RAC3: variants seen among roughly 807,000 people sequenced by gnomAD.
RAC3 encodes the protein ras-related C3 botulinum toxin substrate 3.
A neutral mutation model predicts 19.0 loss-of-function variants in RAC3; 9 were observed. The observed-to-expected ratio is 0.47, with a 90% CI of 0.29 to 0.83. The LOEUF (loss-of-function observed/expected upper bound fraction) is 0.83. Among genes scored for constraint, RAC3 ranks in the 40% least tolerant of loss-of-function variants. The probability of loss-of-function intolerance (pLI) is 0.09; values close to 1 mark genes in which losing one functional copy is unlikely to be tolerated. For synonymous variants in RAC3, 146 were observed against 111.8 expected (o/e 1.31, Z -1.93); for missense variants, 203 against 260.8 (o/e 0.78, Z 1.53).
rs959521196 is a variant in RAC3 at position 82,033,065 on chromosome 17, G to A, written c.288+56G>A. On this transcript the variant is annotated intron_variant, in intron 4 of 5. Coordinates refer to ENST00000306897, the MANE Select transcript of RAC3 (RefSeq NM_005052.3). The surrounding 1 kb of genome is among the most constrained non-coding windows in gnomAD (Gnocchi z 6.2). The stretch of plus-strand genomic sequence containing the variant: ...GAGGGCTTGCCCCAGTACCTGCCCC[G>A]ACAAGTTGTCCTTTAGAGGCAATTG... 111 of 1,541,148 alleles carry A rather than the reference G, an allele frequency of 7.2e-5. No individual in the cohort carries two copies. The African/African-American group carries it at 1.1e-3, about 16-fold the overall frequency.
chr17:82,031,826 TGGGCTGGGCGGGAGGG>T, intron 1 of RAC3, 30 bp downstream of exon 1: 1 of 188,794 alleles, frequency 5.3e-6, no homozygotes, highest in Non-Finnish European at 8.6e-6. Context: ...GCCGCTTGGC[TGGGCTGGGCGGGAGGG>T]GGGCTCGGGG....
rs1598459786 is a variant in RAC3, at chr17:82,034,095, C to T, written c.*266C>T. ...GGCTGCAGGGGCAGGTGCAGGGAAG[C>T]CCCAGGATGGGCTTCCCTGGAGGGG... On this transcript the variant is annotated 3_prime_UTR_variant, in exon 6 of 6. Transcript: ENST00000306897. 4.1e-6 allele frequency: 1 copy of T among 244,716 alleles called. No homozygotes were observed. The highest frequency in any genetic ancestry group is 5.6e-5 in the Admixed American group (1 of 17,916). 15.2% of individuals were successfully genotyped at this position (244,716 alleles called of 1,614,324 possible). A position where few individuals can be genotyped will look rare whatever the true frequency, so the allele number is the denominator to read the frequency against.
intron 2 of RAC3, 34 bp from the exon 3 acceptor site, chr17:82,032,676 TC>T (rs760162057): frequency 6.3e-7 from 1 of 1,592,694 alleles, no homozygotes; most frequent in Admixed American, 1.7e-5. Flanking sequence ...CTGGGACCCC[TC>T]CCAAGCCCTG....
In RAC3 at chr17:82,032,986, T is replaced by C; in HGVS notation, c.265T>C (p.Ser89Pro). The C allele has an allele frequency of 6.2e-7, 1 of 1,613,602 alleles. No individual in the cohort carries two copies. The highest frequency in any genetic ancestry group is 8.5e-7 in the Non-Finnish European group (1 of 1,179,966). ...CTGCTTCTCTCTGGTGAGCCCGGCC[T>C]CCTTCGAGAATGTTCGTGCCAAGGT... The part of the protein sequence containing the change: ...LICFSLVSPA[S>P]FENVRAKWYP... The change falls in exon 4 of 6, where the codon TCC (serine) becomes CCC (proline). Residue 89 changes from serine (S) to proline (P), a missense_variant. Coordinates refer to ENST00000306897, the MANE Select transcript of RAC3 (RefSeq NM_005052.3).
At position 82,033,517 on chromosome 17, in the gene RAC3, C is replaced by G; in HGVS notation, c.366C>G (p.Asp122Glu). 1 of 1,612,958 alleles carries G rather than the reference C, an allele frequency of 6.2e-7. No individual in the cohort carries two copies. The highest frequency in any genetic ancestry group is 8.5e-7 in the Non-Finnish European group (1 of 1,179,836). Reference protein sequence around the residue: ...LVGTKLDLRDDKDTIERLRDK... With the variant: ...LVGTKLDLRDEKDTIERLRDK... ...GCACCAAGCTGGACCTCCGCGACGACAAGGACACCATTGAGCGGCTGCGGG... is the reference window on the plus strand; with the variant it reads ...GCACCAAGCTGGACCTCCGCGACGAGAAGGACACCATTGAGCGGCTGCGGG... Residue 122 changes from aspartate to glutamate, a missense_variant, in exon 5 of 6, where the codon GAC (aspartate) becomes GAG (glutamate). Physicochemically the swap from Asp to Glu is conservative, Grantham distance 45. Transcript: ENST00000306897. The surrounding 1 kb of genome is among the most constrained non-coding windows in gnomAD (Gnocchi z 6.2).
In RAC3 at chr17:82,033,412, C is replaced by G; in HGVS notation, c.289-28C>G. ...GGGGCTGGGGTAGCCGACTCCGGGC[C>G]TAGGGATCAGAGCGTCTGTCCCTGC... On this transcript the variant is annotated intron_variant, in intron 4 of 5. Transcript: ENST00000306897. The surrounding 1 kb of genome is among the most constrained non-coding windows in gnomAD (Gnocchi z 6.2). The G allele has an allele frequency of 6.4e-7, 1 of 1,559,486 alleles. No homozygotes were observed. The highest frequency in any genetic ancestry group is 2.3e-5 in the East Asian group (1 of 44,274).
intron 1 of RAC3, 39 bp downstream of exon 1, chr17:82,031,835 CG>C: frequency 7.7e-6 from 1 of 129,722 alleles, no homozygotes; most frequent in Non-Finnish European, 1.6e-5. Flanking sequence ...CTGGGCTGGG[CG>C]GGAGGGGGGC....
At chr17:82,031,853 G>A (rs1359605177) in intron 1 of RAC3, 57 bp downstream of exon 1, 4 of 847,740 alleles carry the variant, frequency 4.7e-6, no homozygotes, top group Admixed American at 6.3e-5. Context: ...GGGCTCGGGG[G>A]CTCGGGGCGC....
chr17:82,033,770 C>T lies in RAC3; in HGVS notation c.520C>T (p.Arg174Cys). The T allele has an allele frequency of 6.2e-7, 1 of 1,612,668 alleles. No individual in the cohort carries two copies. Among genetic ancestry groups the T allele is most frequent in the Non-Finnish European group, 8.5e-7 (1 of 1,179,790 alleles). ...GLKTVFDEAIRAVLCPPPVKK... is the reference protein window; with the variant it reads ...GLKTVFDEAICAVLCPPPVKK... ...GAAGACAGTGTTTGACGAGGCGATC[C>T]GCGCGGTGCTCTGCCCGCCCCCAGT... Residue 174 changes from arginine (R) to cysteine (C), a missense_variant, in exon 6 of 6, where the codon CGC (arginine) becomes TGC (cysteine). Transcript: ENST00000306897. The surrounding 1 kb of genome is among the most constrained non-coding windows in gnomAD (Gnocchi z 6.2).
intron 1 of RAC3, 142 bp from the exon 2 acceptor site, chr17:82,032,245 C>T (rs1164628010): frequency 2.8e-6 from 2 of 726,140 alleles, no homozygotes; most frequent in Non-Finnish European, 2.3e-6. Context: ...AGCCTTAGGT[C>T]GCCACGGATC....
intron 2 of RAC3, 101 bp from the exon 3 acceptor site, chr17:82,032,610 C>G (rs530926385): frequency 5.9e-5 from 85 of 1,446,390 alleles, no homozygotes; most frequent in Non-Finnish European, 7.5e-5. Flanking sequence ...GGCCAGAGTT[C>G]TAGTTCTGTG....
rs777897716 is a variant in RAC3 at position 82,033,432 on chromosome 17, C to T, written c.289-8C>T. 1.1e-5 allele frequency: 18 copies of T among 1,593,906 alleles called. No individual in the cohort carries two copies. The highest frequency in any genetic ancestry group is 1.7e-5 in the Admixed American group (1 of 58,030). ...CGGGCCTAGGGATCAGAGCGTCTGT[C>T]CCTGCAGTGGTACCCGGAGGTGCGG... is the stretch of plus-strand genomic sequence containing the variant. On this transcript the variant is annotated splice_polypyrimidine_tract_variant and splice_region_variant and intron_variant, in intron 4 of 5. Coordinates refer to ENST00000306897, the MANE Select transcript of RAC3 (RefSeq NM_005052.3). The surrounding 1 kb of genome is among the most constrained non-coding windows in gnomAD (Gnocchi z 6.2).
chr17:82,033,936 G>A lies in RAC3; in HGVS notation c.*107G>A, dbSNP rs990653264. On this transcript the variant is annotated 3_prime_UTR_variant, in exon 6 of 6. Transcript: ENST00000306897. The surrounding 1 kb of genome is among the most constrained non-coding windows in gnomAD (Gnocchi z 6.2). Reference sequence around the variant, plus strand: ...CTGAGTCGGCTGTGGGGAGCGGTGGGGGTGGGCCGGGGGGAAGCATGGGGA... The same window carrying A: ...CTGAGTCGGCTGTGGGGAGCGGTGGAGGTGGGCCGGGGGGAAGCATGGGGA... The A allele has an allele frequency of 1.3e-5, 18 of 1,400,442 alleles. No homozygotes were observed. The highest frequency in any genetic ancestry group is 5.1e-4 in the Middle Eastern group (2 of 3,942). 86.8% of individuals were successfully genotyped at this position (1,400,442 alleles called of 1,614,324 possible). A position where few individuals can be genotyped will look rare whatever the true frequency, so the allele number is the denominator to read the frequency against.
At chr17:82,032,621 C>G in intron 2 of RAC3, 90 bp from the exon 3 acceptor site, 1 of 1,458,450 alleles carries the variant, frequency 6.9e-7, no homozygotes, top group Non-Finnish European at 9.6e-7. Flanking sequence ...TAGTTCTGTG[C>G]AGACTTGTGA....
intron 1 of RAC3, 109 bp from the exon 2 acceptor site, chr17:82,032,278 G>A (rs1160286201): frequency 5.7e-6 from 6 of 1,049,158 alleles, no homozygotes; most frequent in African/African-American, 1.6e-5. Flanking sequence ...TCCCCCTCTC[G>A]ACCCCAGACG....
In RAC3 at chr17:82,033,996, G is replaced by A. The variant is rs111618114; in HGVS notation, c.*167G>A. On this transcript the variant is annotated 3_prime_UTR_variant, in exon 6 of 6. Transcript: ENST00000306897. The surrounding 1 kb of genome is among the most constrained non-coding windows in gnomAD (Gnocchi z 6.2). ...GTGGCAGGATCCTGTCCTCTCTGCC[G>A]CCTCATTCTGGGGTGTGGCTCCAGC... 12 of 916,102 alleles carry A rather than the reference G, an allele frequency of 1.3e-5. No homozygotes were observed. The highest frequency in any genetic ancestry group is 3.5e-4 in the Middle Eastern group (1 of 2,860). The allele number at this position is 916,102 out of a possible 1,614,324, so 56.7% of individuals were successfully genotyped here.
Position 82,032,390 on chromosome 17 carries a change from C to G in RAC3, c.39C>G (p.Ala13=). Reference sequence around the variant, plus strand: ...ACGTGGCTTGCCCTGTCCGCAGCGCCGTGGGGAAGACATGCTTGCTGATCA... The same window carrying G: ...ACGTGGCTTGCCCTGTCCGCAGCGCGGTGGGGAAGACATGCTTGCTGATCA... ...AIKCVVVGDG[A]VGKTCLLISY... The change falls in exon 2 of 6, where the codon GCC becomes GCG. Residue 13 remains alanine, a synonymous_variant. Coordinates refer to ENST00000306897, the MANE Select transcript of RAC3 (RefSeq NM_005052.3). The G allele has an allele frequency of 6.2e-7, 1 of 1,612,646 alleles. No individual in the cohort carries two copies. The highest frequency in any genetic ancestry group is 8.5e-7 in the Non-Finnish European group (1 of 1,179,860).
In RAC3 at chr17:82,032,371, C is replaced by T. The variant is rs1298432457; in HGVS notation, c.36-16C>T. ...GAGGCCGGGCCCGGGAGCCACGTGG[C>T]TTGCCCTGTCCGCAGCGCCGTGGGG... On this transcript the variant is annotated splice_polypyrimidine_tract_variant and intron_variant, in intron 1 of 5. Transcript: ENST00000306897. 2.5e-6 allele frequency: 4 copies of T among 1,611,764 alleles called. No homozygotes were observed. The East Asian group carries it at 6.7e-5, about 27-fold the overall frequency.
In RAC3 at chr17:82,033,884, G is replaced by A. The variant is rs1451419313; in HGVS notation, c.*55G>A. 1.2e-5 allele frequency: 18 copies of A among 1,535,190 alleles called. No homozygotes were observed. The highest frequency in any genetic ancestry group is 3.9e-5 in the Admixed American group (2 of 50,696). Reference sequence around the variant, plus strand: ...GCGGGGAGCAGCCCTGGACGTGTCCGCTGTTGTGTTGAGACGTGTGGTGTC... The same window carrying A: ...GCGGGGAGCAGCCCTGGACGTGTCCACTGTTGTGTTGAGACGTGTGGTGTC... On this transcript the variant is annotated 3_prime_UTR_variant, in exon 6 of 6. Transcript: ENST00000306897. This position sits in a 1 kb window ranked among gnomAD's most constrained non-coding sequence, Gnocchi z 6.2.
Sources: allele counts gnomAD v4.1 joint callset, GRCh38; gene constraint gnomAD v4.1.1; non-coding constraint Gnocchi (gnomAD v3.1); transcripts MANE v1.5; gene names NCBI Gene and HGNC (gene_info 2026-07-23, HGNC 2026-07-21).